Variants in ILRUN observed in about 807,000 individuals in gnomAD.
ILRUN encodes the protein inflammation and lipid regulator with UBA-like and NBR1-like domains.
In ILRUN, 3 loss-of-function variants were observed where a neutral mutation model predicts 33.8. That is an observed-to-expected ratio of 0.09 (90% CI 0.04 to 0.23). The LOEUF is 0.23. Among genes scored for constraint, ILRUN ranks in the 10% least tolerant of loss-of-function variants. The pLI, the probability that ILRUN is intolerant of heterozygous loss-of-function variation, is 1.00. For synonymous variants in ILRUN, 124 were observed against 138.9 expected (o/e 0.89, Z 0.75); for missense variants, 210 against 375.1 (o/e 0.56, Z 3.64).
intron 3 of ILRUN, among the ~76,000 whole-genome samples, chr6:34,614,483 AT>A (rs1761835760): frequency 7.1e-6 from 1 of 141,744 alleles, no homozygotes; most frequent in African/African-American, 2.7e-5. Flanking sequence ...TTTTTTATAT[AT>A]TATTATATAT....
intron 3 of ILRUN, among the ~76,000 whole-genome samples, chr6:34,622,741 C>T (rs6939293): frequency 0.03 from 4,598 of 152,198 alleles, 181 homozygotes; most frequent in African/African-American, 0.088. Context: ...GTAACTCTAC[C>T]TCTAGGTATA....
chr6:34,591,499 AT>A (rs545549009), intron 4 of ILRUN, among the ~76,000 whole-genome samples: 375 of 139,276 alleles, frequency 2.7e-3, no homozygotes, highest in Middle Eastern at 7.3e-3. Context: ...TCCTGTCTCA[AT>A]TTTTTTTTTT....
chr6:34,594,566 G>A (rs1242664195), intron 4 of ILRUN, among the ~76,000 whole-genome samples: 2 of 152,186 alleles, frequency 1.3e-5, no homozygotes, highest in African/African-American at 2.4e-5. Context: ...AACTGTTCAG[G>A]TCCATAGGGG....
intron 3 of ILRUN, among the ~76,000 whole-genome samples, chr6:34,609,314 A>T (rs968813631): frequency 7.2e-5 from 11 of 151,952 alleles, no homozygotes; most frequent in African/African-American, 2.7e-4. Flanking sequence ...CATGGCAAAA[A>T]CCCTGTCTCT....
At chr6:34,695,227 G>A (rs1763735834) in intron 1 of ILRUN, among the ~76,000 whole-genome samples, 1 of 152,194 alleles carries the variant, frequency 6.6e-6, no homozygotes, top group African/African-American at 2.4e-5. Flanking sequence ...GAATAAAAGA[G>A]AGGTTGGTTG....
At chr6:34,673,968 A>G (rs995703611) in intron 1 of ILRUN, among the ~76,000 whole-genome samples, 1 of 151,990 alleles carries the variant, frequency 6.6e-6, no homozygotes, top group African/African-American at 2.4e-5. Flanking sequence ...ACAAATAACT[A>G]AAATGGGAGA....
chr6:34,672,078 T>C (rs1313424884), intron 1 of ILRUN: 1 of 151,882 alleles, frequency 6.6e-6, no homozygotes, highest in East Asian at 1.9e-4. Context: ...TTACACCCTA[T>C]AGTCATAGTC....
intron 3 of ILRUN, among the ~76,000 whole-genome samples, chr6:34,631,414 G>C: frequency 6.6e-6 from 1 of 151,024 alleles, no homozygotes; most frequent in Non-Finnish European, 1.5e-5. Context: ...CGCAACCTCC[G>C]CCTCCTGGGT....
intron 4 of ILRUN, among the ~76,000 whole-genome samples, chr6:34,595,480 C>T (rs1041602006): frequency 1.3e-5 from 2 of 152,172 alleles, no homozygotes; most frequent in African/African-American, 4.8e-5. Context: ...AGAAGCTGTT[C>T]CTGATACTTA....
intron 1 of ILRUN, among the ~76,000 whole-genome samples, chr6:34,683,435 TATATAC>T (rs1465961571): frequency 1.9e-5 from 2 of 106,212 alleles, no homozygotes; most frequent in Admixed American, 2.1e-4. Flanking sequence ...TATACATATA[TATATAC>T]ATATATATAT....
At chr6:34,685,317 A>G (rs1763492055) in intron 1 of ILRUN, 1 of 151,986 alleles carries the variant, frequency 6.6e-6, no homozygotes, top group Admixed American at 6.6e-5. Flanking sequence ...ACCTTTTATT[A>G]TTTTTATTTT....
chr6:34,660,384 C>T (rs1762865169), intron 1 of ILRUN, among the ~76,000 whole-genome samples: 1 of 150,928 alleles, frequency 6.6e-6, no homozygotes, highest in Non-Finnish European at 1.5e-5. Flanking sequence ...AAACTAGATA[C>T]CTTTTCTTTC....
chr6:34,652,429 C>T (rs1371901285), intron 2 of ILRUN, among the ~76,000 whole-genome samples: 1 of 152,126 alleles, frequency 6.6e-6, no homozygotes, highest in African/African-American at 2.4e-5. Context: ...TTGGGTCAGT[C>T]CAAACTATGT....
intron 3 of ILRUN, among the ~76,000 whole-genome samples, chr6:34,608,792 T>G (rs1437865066): frequency 6.6e-6 from 1 of 152,196 alleles, no homozygotes; most frequent in Non-Finnish European, 1.5e-5. Flanking sequence ...CATAGGACAT[T>G]TGGTCATAGT....
chr6:34,621,861 CA>C lies in ILRUN; in HGVS notation c.512-14958del, dbSNP rs35985719. On this transcript the variant is annotated intron_variant, in intron 3 of 4. Transcript: ENST00000374023. ...CTGATGACAGAGCAAGACTCCAGCT[CA>C]AAAAAAAAACTAGTGTGGTACTGGC... 6.9e-4 allele frequency among the ~76,000 whole-genome samples: 102 copies of C among 148,488 alleles called. 1 individual carries two copies. The highest frequency in any genetic ancestry group is 2.4e-3 in the African/African-American group (96 of 40,742).
chr6:34,605,519 C>G (rs1303154027), intron 4 of ILRUN, among the ~76,000 whole-genome samples: 4 of 151,756 alleles, frequency 2.6e-5, no homozygotes, highest in African/African-American at 9.7e-5. Flanking sequence ...ATCCCAGCTA[C>G]TCAGGAGGCT....
At chr6:34,647,442 C>T (rs917736751) in intron 2 of ILRUN, among the ~76,000 whole-genome samples, 1 of 152,118 alleles carries the variant, frequency 6.6e-6, no homozygotes, top group African/African-American at 2.4e-5. Flanking sequence ...CCCCTGATAA[C>T]ATCAATGAAC....
chr6:34,605,353 C>T (rs1023873155), intron 4 of ILRUN, among the ~76,000 whole-genome samples: 4 of 146,006 alleles, frequency 2.7e-5, no homozygotes, highest in South Asian at 2.2e-4. Flanking sequence ...GAGGGCTGGG[C>T]GTGGTGGTTC....
At chr6:34,655,592 A>G (rs9469838) in intron 1 of ILRUN, among the ~76,000 whole-genome samples, 24,283 of 152,182 alleles carry the variant, frequency 0.16, 2,555 homozygotes, top group African/African-American at 0.29. Context: ...CAGATGGATC[A>G]TCATTTAACC....
Sources: allele counts gnomAD v4.1 joint callset (sites outside exome capture counted in the v4.1 genomes callset), GRCh38; gene constraint gnomAD v4.1.1; transcripts MANE v1.5; gene names NCBI Gene and HGNC (gene_info 2026-07-23, HGNC 2026-07-21).